Variants in PGM3 observed in about 807,000 individuals in gnomAD.
PGM3 encodes the protein phosphoglucomutase 3.
A neutral mutation model predicts 66.2 loss-of-function variants in PGM3; 40 were observed. That is an observed-to-expected ratio of 0.60 (90% CI 0.47 to 0.79). The LOEUF (loss-of-function observed/expected upper bound fraction) is 0.79, where lower values mean the gene tolerates loss of function less well. Among genes scored for constraint, PGM3 ranks in the 30% least tolerant of loss-of-function variants. The probability of loss-of-function intolerance (pLI) is 0.00; values close to 1 mark genes in which losing one functional copy is unlikely to be tolerated. For missense variants in PGM3, 537 were observed against 643.4 expected (o/e 0.83, Z 1.79); for synonymous variants, 191 against 224.2 (o/e 0.85, Z 1.32).
chr6:83,154,066 T>C, the PGM3 span: 1 of 1,613,638 alleles, frequency 6.2e-7, no homozygotes. Context: ...CTTATTTGTA[T>C]TCAGCATGAT....
chr6:83,152,275 C>G, the PGM3 span: 1 of 1,501,150 alleles, frequency 6.7e-7, no homozygotes, highest in Non-Finnish European at 9.1e-7. Flanking sequence ...CTTTAATTTT[C>G]TCTTATTTAT....
chr6:83,173,760 A>G (rs535250798), intron 10 of PGM3, among the ~76,000 whole-genome samples: 31 of 152,178 alleles, frequency 2.0e-4, no homozygotes, highest in Admixed American at 6.5e-5. Flanking sequence ...TTTTTGAGAC[A>G]GAGTCTCGCT....
At chr6:83,153,371 T>TA in the PGM3 span, 1 of 512,152 alleles carries the variant, frequency 2.0e-6, no homozygotes, top group Non-Finnish European at 3.3e-6. Context: ...CTCATTAACA[T>TA]AAAAATGATT....
At chr6:83,152,465 C>A in the PGM3 span, 1 of 482,108 alleles carries the variant, frequency 2.1e-6, no homozygotes, top group Non-Finnish European at 3.5e-6. Flanking sequence ...ATTTGAGAAA[C>A]TATTTTGTGC....
the PGM3 span, among the ~76,000 whole-genome samples, chr6:83,155,234 C>T: frequency 6.7e-6 from 1 of 149,064 alleles, no homozygotes; most frequent in South Asian, 2.1e-4. Flanking sequence ...GGCCAAGGCA[C>T]TAGGATTGTT....
rs555840246 is a variant in PGM3, at chr6:83,169,227, A to G, written c.*7T>C. 10 of 1,613,876 alleles carry G rather than the reference A, an allele frequency of 6.2e-6. No individual in the cohort carries two copies. Among genetic ancestry groups the G allele is most frequent in the Non-Finnish European group, 8.5e-6 (10 of 1,179,924 alleles). ...AGTCCAGTTTCTCAGGAATATGAAA[A>G]TTATCTTCAGAAACCTGGTTGGGGC... On this transcript the variant is annotated 3_prime_UTR_variant, in exon 13 of 13. Transcript: ENST00000513973.
intron 10 of PGM3, 41 bp from the exon 11 acceptor site, chr6:83,172,100 A>G: frequency 6.2e-7 from 1 of 1,608,144 alleles, no homozygotes; most frequent in Non-Finnish European, 8.5e-7. Flanking sequence ...ACTTAACACA[A>G]GCAAATCTTG....
Position 83,169,249 on chromosome 6 carries a change from G to C in PGM3, c.1614C>G (p.Pro538=), listed in dbSNP as rs778716524. 1.6e-5 allele frequency: 26 copies of C among 1,613,994 alleles called. 1 individual carries two copies. In the South Asian group the frequency reaches 2.6e-4, roughly 16 times the overall value. The change falls in exon 13 of 13, where the codon CCC becomes CCG. Residue 538 remains proline, a synonymous_variant. Coordinates refer to ENST00000513973, the MANE Select transcript of PGM3 (RefSeq NM_015599.3). ...AAAATTATCTTCAGAAACCTGGTTG[G>C]GGCCTTTCTCCAATTCCTCCAGCCA... is the stretch of plus-strand genomic sequence containing the variant. The part of the protein sequence containing the change: ...FQLAGGIGER[P]QPGF
chr6:83,162,884 G>T, downstream of PGM3: 1 of 1,612,946 alleles, frequency 6.2e-7, no homozygotes, highest in Admixed American at 1.7e-5. Flanking sequence ...ACCTTACGTG[G>T]TACGACTAGC....
chr6:83,159,738 C>G, downstream of PGM3: 2 of 1,592,826 alleles, frequency 1.3e-6, no homozygotes, highest in Non-Finnish European at 1.7e-6. Context: ...TAGATCTTTC[C>G]AGGAATTCCT....
chr6:83,168,610 T>C lies in PGM3; in HGVS notation c.*624A>G, dbSNP rs1367397095. ...TATTATAATTAGTTTTTCTCCCACA[T>C]ACCTTCACCAAGAGCAGTGAAGAAT... On this transcript the variant is annotated 3_prime_UTR_variant, in exon 13 of 13. Coordinates refer to ENST00000513973, the MANE Select transcript of PGM3 (RefSeq NM_015599.3). 4.0e-6 allele frequency: 4 copies of C among 997,728 alleles called. No homozygotes were observed. Among genetic ancestry groups the C allele is most frequent in the East Asian group, 1.1e-4 (1 of 9,308 alleles). The allele number at this position is 997,728 out of a possible 1,614,324, so 61.8% of individuals were successfully genotyped here. A position where few individuals can be genotyped will look rare whatever the true frequency, so the allele number is the denominator to read the frequency against.
rs1788196772 is a variant in PGM3, at chr6:83,181,797, C to T, written c.726G>A (p.Lys242=). Reference sequence around the variant, plus strand: ...CTCCACATAAATGATTGAGTTTGCCCTTGGACCCATCATTAAACAGCTGAA... The same window carrying T: ...CTCCACATAAATGATTGAGTTTGCCTTTGGACCCATCATTAAACAGCTGAA... The part of the protein sequence containing the change: ...LSVQLFNDGS[K]GKLNHLCGAD... The change falls in exon 6 of 13, where the codon AAG becomes AAA. Residue 242 remains lysine, a synonymous_variant. Transcript: ENST00000513973. 1 of 1,614,034 alleles carries T rather than the reference C, an allele frequency of 6.2e-7. No homozygotes were observed. The highest frequency in any genetic ancestry group is 2.2e-5 in the East Asian group (1 of 44,860).
chr6:83,177,210 A>C (rs1028379633), intron 8 of PGM3, among the ~76,000 whole-genome samples: 7 of 152,168 alleles, frequency 4.6e-5, no homozygotes, highest in African/African-American at 1.7e-4. Context: ...CCTGCTTTCT[A>C]GAGAATGGAA....
downstream of PGM3, chr6:83,158,766 GT>G: frequency 1.5e-6 from 1 of 663,688 alleles, no homozygotes; most frequent in Non-Finnish European, 2.5e-6. Context: ...ATATAATGTA[GT>G]TTTACTTATT....
downstream of PGM3, among the ~76,000 whole-genome samples, chr6:83,156,313 C>T (rs996390638): frequency 1.3e-5 from 2 of 152,064 alleles, no homozygotes; most frequent in African/African-American, 4.8e-5. Flanking sequence ...AATGTGGTCT[C>T]TATTTTATTG....
At chr6:83,153,458 G>A in the PGM3 span, 4 of 1,174,368 alleles carry the variant, frequency 3.4e-6, no homozygotes, top group African/African-American at 6.3e-5. Context: ...AGTACCTTGG[G>A]ATGATGTCAG....
the PGM3 span, chr6:83,151,499 C>A: frequency 2.3e-6 from 2 of 875,402 alleles, no homozygotes; most frequent in South Asian, 1.9e-5. Flanking sequence ...AAATCAAGAC[C>A]ATTAAGCCGC....
At chr6:83,176,548 C>T (rs781345162) in intron 8 of PGM3, among the ~76,000 whole-genome samples, 34 of 152,160 alleles carry the variant, frequency 2.2e-4, no homozygotes, top group African/African-American at 2.4e-5. Flanking sequence ...TTGCAAATAG[C>T]AGCAAGTTCA....
rs922840830 is a variant in PGM3 at position 83,166,266 on chromosome 6, A to C, written c.*2968T>G. On this transcript the variant is annotated 3_prime_UTR_variant, in exon 13 of 13. Coordinates refer to ENST00000513973, the MANE Select transcript of PGM3 (RefSeq NM_015599.3). ...CATTGAGTTCTTGGGCAGCTCTCTTATAGTTGTAAGAGGATCAGCTTCGAT... is the reference window on the plus strand; with the variant it reads ...CATTGAGTTCTTGGGCAGCTCTCTTCTAGTTGTAAGAGGATCAGCTTCGAT... 3 of 548,942 alleles carry C rather than the reference A, an allele frequency of 5.5e-6. No individual in the cohort carries two copies. The Admixed American group carries it at 9.5e-5, about 17-fold the overall frequency. 34.0% of individuals were successfully genotyped at this position (548,942 alleles called of 1,614,324 possible).
Sources: gnomAD v4.1 joint callset for allele counts (sites outside exome capture counted in the v4.1 genomes callset) on GRCh38, gnomAD v4.1.1 for gene constraint, MANE v1.5 for transcripts, NCBI Gene and HGNC (gene_info 2026-07-23, HGNC 2026-07-21) for gene names.